Variants in GOLGA4 observed in about 807,000 individuals in gnomAD.
GOLGA4 encodes golgin A4.
Under a neutral mutation model 265.9 loss-of-function variants are expected in GOLGA4, and 169 were observed. That is an observed-to-expected ratio of 0.64 (90% CI 0.56 to 0.72). GOLGA4 has a LOEUF of 0.72. Ranked by LOEUF, GOLGA4 falls within the 30% of genes least tolerant of loss-of-function variation. The pLI is 0.00. For missense variants in GOLGA4, 2,482 were observed against 2,483.4 expected (o/e 1.00, Z 0.01); for synonymous variants, 923 against 855.8 (o/e 1.08, Z -1.37).
intron 11 of GOLGA4, among the ~76,000 whole-genome samples, 199 bp downstream of exon 11, chr3:37,315,797 T>G (rs1219624176): frequency 6.6e-6 from 1 of 152,230 alleles, no homozygotes; most frequent in Non-Finnish European, 1.5e-5. Flanking sequence ...AAGCTTTGCT[T>G]TCTCTCCAGT....
chr3:37,303,411 C>T (rs950245152), intron 10 of GOLGA4, among the ~76,000 whole-genome samples: 6 of 152,152 alleles, frequency 3.9e-5, no homozygotes, highest in African/African-American at 1.4e-4. Context: ...ATCTGATCAA[C>T]TCAGGGAGGC....
chr3:37,336,316 G>C (rs574043278), intron 17 of GOLGA4, among the ~76,000 whole-genome samples: 1 of 152,026 alleles, frequency 6.6e-6, no homozygotes, highest in Non-Finnish European at 1.5e-5. Flanking sequence ...GTATTTAACT[G>C]TCTAACATGA....
At chr3:37,290,907 G>A (rs1464497272) in intron 5 of GOLGA4, among the ~76,000 whole-genome samples, 6 of 151,944 alleles carry the variant, frequency 3.9e-5, no homozygotes, top group African/African-American at 7.3e-5. Flanking sequence ...TTGCTAGAGG[G>A]GCAAATAATA....
intron 19 of GOLGA4, 48 bp from the exon 20 acceptor site, chr3:37,340,076 A>G (rs2097028084): frequency 1.3e-6 from 1 of 780,092 alleles, no homozygotes; most frequent in Non-Finnish European, 2.2e-6. Context: ...TTTCTTACAT[A>G]CAGTTTCCCT....
At chr3:37,316,318 A>T (rs562128195) in intron 11 of GOLGA4, among the ~76,000 whole-genome samples, 3 of 151,396 alleles carry the variant, frequency 2.0e-5, no homozygotes, top group Non-Finnish European at 4.4e-5. Flanking sequence ...GATTATGGCC[A>T]CTAAAATGGC....
intron 3 of GOLGA4, among the ~76,000 whole-genome samples, chr3:37,284,708 G>A (rs1435827983): frequency 6.7e-6 from 1 of 148,636 alleles, no homozygotes. Context: ...CCCTCACCCA[G>A]GCTGGAGTGC....
At chr3:37,245,083 T>A (rs1217899922) in intron 1 of GOLGA4, among the ~76,000 whole-genome samples, 1 of 152,224 alleles carries the variant, frequency 6.6e-6, no homozygotes, top group Non-Finnish European at 1.5e-5. Context: ...GTCAATGTTG[T>A]TTTAATAGGT....
intron 16 of GOLGA4, among the ~76,000 whole-genome samples, chr3:37,331,195 A>G (rs1225656250): frequency 6.6e-6 from 1 of 152,218 alleles, no homozygotes; most frequent in Non-Finnish European, 1.5e-5. Context: ...CATGTAGTCA[A>G]TATTAAAAAT....
In GOLGA4 at chr3:37,243,576, T is replaced by A. The variant is rs773953149; in HGVS notation, c.26T>A (p.Ile9Asn). ...ATGTTCAAGAAACTGAAGCAAAAGA[T>A]CAGCGAGGAGCAGCAGCAGCTCCAG... is the stretch of plus-strand genomic sequence containing the variant. Reference protein sequence around the residue: MFKKLKQKISEEQQQLQQA... With the variant: MFKKLKQKNSEEQQQLQQA... Residue 9 changes from isoleucine to asparagine, a missense_variant, in exon 1 of 24, where the codon ATC becomes AAC. By Grantham distance (149) the Ile-to-Asn change is moderately radical. This residue lies in a region of GOLGA4 where 1,536 missense variants were observed against 1,483.7 expected (regional missense o/e 1.04). Transcript: ENST00000361924. The A allele has an allele frequency of 6.8e-6, 11 of 1,614,028 alleles. No individual in the cohort carries two copies. The highest frequency in any genetic ancestry group is 9.3e-6 in the Non-Finnish European group (11 of 1,179,992).
intron 5 of GOLGA4, among the ~76,000 whole-genome samples, chr3:37,290,640 A>T (rs1371480898): frequency 6.6e-6 from 1 of 152,226 alleles, no homozygotes; most frequent in African/African-American, 2.4e-5. Context: ...TTGGATTAAT[A>T]ACGTAGAAAA....
At chr3:37,298,251 G>A (rs767231409) in intron 7 of GOLGA4, among the ~76,000 whole-genome samples, 1 of 152,164 alleles carries the variant, frequency 6.6e-6, no homozygotes, top group Non-Finnish European at 1.5e-5. Flanking sequence ...AGCATTCACG[G>A]ATCCGAGTTT....
chr3:37,272,187 C>T (rs180982405), intron 2 of GOLGA4, among the ~76,000 whole-genome samples: 72 of 152,250 alleles, frequency 4.7e-4, no homozygotes, highest in Admixed American at 1.5e-3. Context: ...CCTGCACCCC[C>T]GGTCTGTAGA....
In GOLGA4 at chr3:37,326,718, T is replaced by G. The variant is rs146639243; in HGVS notation, c.4832T>G (p.Val1611Gly). The G allele has an allele frequency of 3.4e-5, 55 of 1,613,330 alleles. No individual in the cohort carries two copies. The African/African-American group carries it at 6.8e-4, about 20-fold the overall frequency. ...ACTAAGAAGAAAGAATTAGAACATG[T>G]GAATTTAAGTGTGAAAAGCAAAGAG... is the stretch of plus-strand genomic sequence containing the variant. ...LETKKKELEH[V>G]NLSVKSKEEE... Residue 1611 changes from valine to glycine, a missense_variant, in exon 14 of 24, where the codon GTG becomes GGG. Coordinates refer to ENST00000361924, the MANE Select transcript of GOLGA4 (RefSeq NM_002078.5).
intron 19 of GOLGA4, 54 bp from the exon 20 acceptor site, chr3:37,340,070 T>G: frequency 1.3e-6 from 1 of 753,948 alleles, no homozygotes; most frequent in Non-Finnish European, 2.3e-6. Flanking sequence ...TTTCTTTTTC[T>G]TACATACAGT....
chr3:37,307,852 C>G (rs2096911222), intron 10 of GOLGA4, among the ~76,000 whole-genome samples: 1 of 152,154 alleles, frequency 6.6e-6, no homozygotes, highest in South Asian at 2.1e-4. Context: ...CTAATTTAAT[C>G]AATGTACTTA....
chr3:37,359,443 C>T (rs2097098820), intron 22 of GOLGA4, among the ~76,000 whole-genome samples: 1 of 152,122 alleles, frequency 6.6e-6, no homozygotes, highest in South Asian at 2.1e-4. Flanking sequence ...TTTTCTTAGA[C>T]ATTTTTCTCT....
chr3:37,338,098 A>G (rs1243865110), intron 19 of GOLGA4, among the ~76,000 whole-genome samples: 2 of 152,204 alleles, frequency 1.3e-5, no homozygotes, highest in African/African-American at 2.4e-5. Flanking sequence ...TAATTTTCCC[A>G]TATATTATTG....
intron 8 of GOLGA4, 41 bp from the exon 9 acceptor site, chr3:37,299,247 G>A: frequency 1.6e-6 from 2 of 1,264,528 alleles, no homozygotes; most frequent in Non-Finnish European, 2.3e-6. Context: ...ATGAGAAGAA[G>A]CTTTATTAGA....
chr3:37,294,435 G>C (rs2096872940), intron 5 of GOLGA4, among the ~76,000 whole-genome samples: 1 of 149,384 alleles, frequency 6.7e-6, no homozygotes, highest in South Asian at 2.1e-4. Context: ...ACCCAGGCTG[G>C]AGTGCAGTGG....
Sources: gnomAD v4.1 joint callset for allele counts (sites outside exome capture counted in the v4.1 genomes callset) on GRCh38, gnomAD v4.1.1 for gene constraint, gnomAD v4.1.1 regional missense constraint, MANE v1.5 for transcripts, NCBI Gene and HGNC (gene_info 2026-07-23, HGNC 2026-07-21) for gene names.